The following RREB1 variants were observed in gnomAD, a reference collection of about 807,000 sequenced individuals.
The protein encoded by RREB1 is ras responsive element binding protein 1.
RREB1 carries 27 observed loss-of-function variants against 117.8 expected under a neutral mutation model. That is an observed-to-expected ratio of 0.23 (90% CI 0.17 to 0.32). RREB1 has a LOEUF of 0.32. RREB1 is among the 10% of genes least tolerant of loss of function. RREB1 has a pLI of 1.00. For synonymous variants in RREB1, 1,298 were observed against 1,026.7 expected (o/e 1.26, Z -5.05); for missense variants, 2,577 against 2,378.2 (o/e 1.08, Z -1.74).
chr6:7,245,922 C>T (rs898626356), intron 11 of RREB1, among the ~76,000 whole-genome samples: 10 of 152,220 alleles, frequency 6.6e-5, no homozygotes, highest in African/African-American at 2.2e-4. Context: ...ACAACGCAGG[C>T]TTGGGGTCGT....
chr6:7,137,522 A>G (rs1762392500), intron 1 of RREB1, among the ~76,000 whole-genome samples: 1 of 152,238 alleles, frequency 6.6e-6, no homozygotes, highest in Non-Finnish European at 1.5e-5. Context: ...TTTGGATGCC[A>G]AACACATAGG....
intron 1 of RREB1, among the ~76,000 whole-genome samples, chr6:7,145,724 ATG>A (rs963262630): frequency 6.6e-6 from 1 of 151,408 alleles, no homozygotes; most frequent in African/African-American, 2.4e-5. Context: ...TTCCAGTGAA[ATG>A]TCAGCCCCAG....
intron 1 of RREB1, among the ~76,000 whole-genome samples, chr6:7,114,477 G>T (rs1284697736): frequency 6.6e-6 from 1 of 151,782 alleles, no homozygotes; most frequent in African/African-American, 2.4e-5. Context: ...GTGGGGGGGG[G>T]GGCGGCAGCG....
chr6:7,141,235 C>CGGGCG (rs1217221663), intron 1 of RREB1, among the ~76,000 whole-genome samples: 11 of 150,994 alleles, frequency 7.3e-5, no homozygotes, highest in African/African-American at 9.7e-5. Flanking sequence ...TGGCGGGGGC[C>CGGGCG]GGGCGGGGCG....
intron 1 of RREB1, among the ~76,000 whole-genome samples, chr6:7,132,882 G>C (rs1364041829): frequency 6.6e-6 from 1 of 152,122 alleles, no homozygotes; most frequent in Non-Finnish European, 1.5e-5. Flanking sequence ...ATTTTGGGTA[G>C]GGTTGCCACA....
chr6:7,126,288 CTG>C (rs1465116345), intron 1 of RREB1, among the ~76,000 whole-genome samples: 2 of 152,122 alleles, frequency 1.3e-5, no homozygotes, highest in Admixed American at 6.5e-5. Flanking sequence ...GCGTGAGCCA[CTG>C]CGCCCGGCCT....
At chr6:7,184,219 C>T (rs956832149) in intron 4 of RREB1, among the ~76,000 whole-genome samples, 1 of 151,810 alleles carries the variant, frequency 6.6e-6, no homozygotes, top group African/African-American at 2.4e-5. Context: ...CCAGGAGGGC[C>T]TCTCTTCCAG....
rs774006883 is a variant in RREB1, at chr6:7,231,776, C to T, written c.3677C>T (p.Pro1226Leu). 5.6e-6 allele frequency: 9 copies of T among 1,613,780 alleles called. No individual in the cohort carries two copies. The Admixed American group carries it at 1.3e-4, about 24-fold the overall frequency. Residue 1226 changes from proline to leucine, a missense_variant, in exon 10 of 13, where the codon CCC becomes CTC. By Grantham distance (98) the Pro-to-Leu change is moderately conservative. Coordinates refer to ENST00000379938, the MANE Select transcript of RREB1 (RefSeq NM_001003699.4). ...CCCAGTGATGAAGAGCAGGGCAGTC[C>T]CCCAGAAGACAAGCTGCTGAGGGCC... ...HGPSDEEQGS[P>L]PEDKLLRAKR...
Position 7,229,726 on chromosome 6 carries a change from C to T in RREB1, c.1627C>T (p.Pro543Ser). Residue 543 changes from proline to serine, a missense_variant, in exon 10 of 13, where the codon CCG becomes TCG. By Grantham distance (74) the Pro-to-Ser change is moderately conservative. Transcript: ENST00000379938. This position sits in a 1 kb window ranked among gnomAD's most constrained non-coding sequence, Gnocchi z 4.5. ...CCCGGGCTGTATCAGCCCCAGCCTGCCGCCACCGCCCCTGAAGCTCCTCAA... is the reference window on the plus strand; with the variant it reads ...CCCGGGCTGTATCAGCCCCAGCCTGTCGCCACCGCCCCTGAAGCTCCTCAA... ...ASPGCISPSLPPPPLKLLKGS... is the reference protein window; with the variant it reads ...ASPGCISPSLSPPPLKLLKGS... The T allele has an allele frequency of 6.3e-7, 1 of 1,599,966 alleles. No homozygotes were observed. Among genetic ancestry groups the T allele is most frequent in the Non-Finnish European group, 8.5e-7 (1 of 1,171,290 alleles).
At chr6:7,176,458 C>T (rs757588558) in intron 1 of RREB1, among the ~76,000 whole-genome samples, 197 bp from the exon 2 acceptor site, 3 of 152,150 alleles carry the variant, frequency 2.0e-5, no homozygotes, top group African/African-American at 7.2e-5. Flanking sequence ...AAGGCACACT[C>T]AGTTCCAAGC....
intron 1 of RREB1, among the ~76,000 whole-genome samples, chr6:7,143,074 C>T (rs1762690702): frequency 6.6e-6 from 1 of 152,182 alleles, no homozygotes; most frequent in Non-Finnish European, 1.5e-5. Context: ...ATTTGAGCCA[C>T]TGGGATTTTT....
At chr6:7,172,943 T>G (rs1421162279) in intron 1 of RREB1, among the ~76,000 whole-genome samples, 3 of 152,158 alleles carry the variant, frequency 2.0e-5, no homozygotes, top group Non-Finnish European at 4.4e-5. Context: ...AGCCCATCCT[T>G]CAAGAGATGC....
chr6:7,251,098 AAACTC>A lies in RREB1; in HGVS notation c.*2131_*2135del, dbSNP rs1304665250. The stretch of plus-strand genomic sequence containing the variant: ...AATATTGTGGGGAGAAGCTGTGACT[AAACTC>A]TACGCTGCGGTGAGATGTAGCAGTA... On this transcript the variant is annotated 3_prime_UTR_variant, in exon 13 of 13. Transcript: ENST00000379938. 1.3e-5 allele frequency: 2 copies of A among 152,112 alleles called. No homozygotes were observed. Among genetic ancestry groups the A allele is most frequent in the Non-Finnish European group, 2.9e-5 (2 of 68,040 alleles). The allele number at this position is 152,112 out of a possible 1,614,324, so 9.4% of individuals were successfully genotyped here.
chr6:7,118,590 T>C (rs1224863234), intron 1 of RREB1, among the ~76,000 whole-genome samples: 1 of 152,152 alleles, frequency 6.6e-6, no homozygotes, highest in Non-Finnish European at 1.5e-5. Context: ...TAAAACCAAG[T>C]ATAGTTTAAA....
At position 7,251,440 on chromosome 6, in the gene RREB1, A is replaced by G. The variant is rs926350396; in HGVS notation, c.*2472A>G. On this transcript the variant is annotated 3_prime_UTR_variant, in exon 13 of 13. Coordinates refer to ENST00000379938, the MANE Select transcript of RREB1 (RefSeq NM_001003699.4). ...TCTCTCAGGGCTTTTACAAAAAAAT[A>G]TATATATATGGATCTTCTGAAAAGT... is the stretch of plus-strand genomic sequence containing the variant. 1 of 149,214 alleles carries G rather than the reference A, an allele frequency of 6.7e-6. No homozygotes were observed. The highest frequency in any genetic ancestry group is 1.5e-5 in the Non-Finnish European group (1 of 67,528). The allele number at this position is 149,214 out of a possible 1,614,324, so 9.2% of individuals were successfully genotyped here. A position where few individuals can be genotyped will look rare whatever the true frequency, so the allele number is the denominator to read the frequency against.
intron 6 of RREB1, among the ~76,000 whole-genome samples, chr6:7,195,782 AC>A (rs1382550876): frequency 1.3e-5 from 2 of 152,040 alleles, no homozygotes; most frequent in Non-Finnish European, 2.9e-5. Context: ...TTCCCAGGAC[AC>A]CCACACCCAG....
chr6:7,181,925 C>A lies in RREB1; in HGVS notation c.14C>A (p.Ser5Ter), dbSNP rs745441379. The change falls in exon 4 of 13, where the codon TCG (serine) becomes TAG (stop). Residue 5 changes from serine to a stop codon, truncating the protein, a stop_gained. Coordinates refer to ENST00000379938, the MANE Select transcript of RREB1 (RefSeq NM_001003699.4). LOFTEE classifies it high-confidence loss of function. The stretch of plus-strand genomic sequence containing the variant: ...ACCCCTGTCCCAATGACGTCAAGTT[C>A]GCCCGCTGGCTTGGAAGGTTCAGAC... MTSS[S>*]PAGLEGSDLS... The A allele has an allele frequency of 6.2e-7, 1 of 1,614,240 alleles. No homozygotes were observed. Among genetic ancestry groups the A allele is most frequent in the Non-Finnish European group, 8.5e-7 (1 of 1,180,028 alleles).
chr6:7,220,649 A>G (rs1368774521), intron 8 of RREB1, among the ~76,000 whole-genome samples: 1 of 152,254 alleles, frequency 6.6e-6, no homozygotes, highest in African/African-American at 2.4e-5. Flanking sequence ...AAAGGCAGCC[A>G]ATCCGATTTG....
chr6:7,247,938 T>G (rs1458572528), intron 12 of RREB1, among the ~76,000 whole-genome samples: 1 of 152,190 alleles, frequency 6.6e-6, no homozygotes, highest in East Asian at 1.9e-4. Context: ...TGAACACATG[T>G]GCCCCGACCC....
Sources: gnomAD v4.1 joint callset for allele counts (sites outside exome capture counted in the v4.1 genomes callset) on GRCh38, gnomAD v4.1.1 for gene constraint, Gnocchi (gnomAD v3.1) non-coding constraint, MANE v1.5 for transcripts, NCBI Gene and HGNC (gene_info 2026-07-23, HGNC 2026-07-21) for gene names.